DTD1: variants seen among roughly 807,000 people sequenced by gnomAD.
DTD1 encodes D-tyrosyl-tRNA deacylase 1 homolog.
DTD1 carries 13 observed loss-of-function variants against 25.6 expected under a neutral mutation model. The observed-to-expected ratio is 0.51, with a 90% CI of 0.33 to 0.81. The LOEUF (loss-of-function observed/expected upper bound fraction) is 0.81. Ranked by LOEUF, DTD1 falls within the 30% of genes least tolerant of loss-of-function variation. DTD1 has a pLI of 0.02. For synonymous variants in DTD1, 110 were observed against 103.6 expected (o/e 1.06, Z -0.37); for missense variants, 193 against 266.4 (o/e 0.72, Z 1.92).
chr20:18,663,853 T>A (rs1322796668), intron 4 of DTD1, among the ~76,000 whole-genome samples: 1 of 152,080 alleles, frequency 6.6e-6, no homozygotes, highest in African/African-American at 2.4e-5. Flanking sequence ...CCATCAGATA[T>A]CATGAGAACT....
At chr20:18,701,811 C>T (rs953089101) in intron 4 of DTD1, among the ~76,000 whole-genome samples, 7 of 152,216 alleles carry the variant, frequency 4.6e-5, no homozygotes, top group African/African-American at 1.7e-4. Context: ...TAAAGAATCA[C>T]CTAATAATTC....
chr20:18,621,589 T>C (rs1217124939), intron 3 of DTD1, among the ~76,000 whole-genome samples: 1 of 152,184 alleles, frequency 6.6e-6, no homozygotes, highest in Non-Finnish European at 1.5e-5. Flanking sequence ...ATTCCATATA[T>C]ATATTTGCAT....
At chr20:18,628,038 G>T in intron 3 of DTD1, 89 bp from the exon 4 acceptor site, 1 of 1,041,590 alleles carries the variant, frequency 9.6e-7, no homozygotes, top group African/African-American at 1.6e-5. Context: ...GTCTTTATTA[G>T]CAGTGTGAAA....
chr20:18,750,257 C>T (rs1033430520), intron 5 of DTD1, among the ~76,000 whole-genome samples: 1 of 152,050 alleles, frequency 6.6e-6, no homozygotes, highest in African/African-American at 2.4e-5. Flanking sequence ...ATTTGTCATC[C>T]CAGTAGGCCA....
At chr20:18,751,846 T>TA (rs1236312599) in intron 5 of DTD1, among the ~76,000 whole-genome samples, 5 of 146,658 alleles carry the variant, frequency 3.4e-5, no homozygotes, top group Non-Finnish European at 4.5e-5. Flanking sequence ...TTGTAGTTTT[T>TA]TTTTTTTGTT....
At chr20:18,624,393 G>A (rs1222046031) in intron 3 of DTD1, among the ~76,000 whole-genome samples, 1 of 152,194 alleles carries the variant, frequency 6.6e-6, no homozygotes, top group Admixed American at 6.5e-5. Context: ...GAAATTACAG[G>A]CCAAGATTAA....
chr20:18,636,821 C>T (rs1461590536), intron 4 of DTD1, among the ~76,000 whole-genome samples: 1 of 152,196 alleles, frequency 6.6e-6, no homozygotes, highest in Non-Finnish European at 1.5e-5. Flanking sequence ...GCAGAGATTA[C>T]ACATTCTTTC....
intron 4 of DTD1, chr20:18,632,368 G>T (rs1410403478): frequency 2.2e-5 from 22 of 985,282 alleles, no homozygotes; most frequent in African/African-American, 8.7e-5. Context: ...ATTGCACTGC[G>T]CTCTGCCCCT....
At chr20:18,703,848 C>A (rs188169140) in intron 4 of DTD1, among the ~76,000 whole-genome samples, 79 of 152,022 alleles carry the variant, frequency 5.2e-4, no homozygotes, top group Non-Finnish European at 9.1e-4. Flanking sequence ...GCTGAAGTAG[C>A]TTTTTTCCCA....
chr20:18,679,842 G>A (rs141618531), intron 4 of DTD1, among the ~76,000 whole-genome samples: 2 of 152,292 alleles, frequency 1.3e-5, no homozygotes, highest in African/African-American at 4.8e-5. Context: ...ATAGGAGCAG[G>A]AGCTGTTATC....
chr20:18,617,991 A>G (rs1306610454), intron 3 of DTD1, among the ~76,000 whole-genome samples: 2 of 151,852 alleles, frequency 1.3e-5, no homozygotes, highest in African/African-American at 4.8e-5. Context: ...GTATTGTTGG[A>G]CTCCTGGATT....
At chr20:18,631,300 T>G in intron 4 of DTD1, 1 of 984,476 alleles carries the variant, frequency 1.0e-6, no homozygotes. Flanking sequence ...AATTTCAAGG[T>G]GGTGACATAG....
intron 4 of DTD1, among the ~76,000 whole-genome samples, chr20:18,680,632 T>A (rs1363582040): frequency 6.6e-6 from 1 of 151,942 alleles, no homozygotes; most frequent in Non-Finnish European, 1.5e-5. Flanking sequence ...GCCTCTGGAG[T>A]GTGGCTCCTG....
At chr20:18,717,969 A>G (rs2061187964) in intron 4 of DTD1, among the ~76,000 whole-genome samples, 1 of 152,232 alleles carries the variant, frequency 6.6e-6, no homozygotes, top group African/African-American at 2.4e-5. Context: ...AAGACTTAGG[A>G]AAATGTAGCT....
intron 4 of DTD1, among the ~76,000 whole-genome samples, chr20:18,730,628 A>T (rs1364891242): frequency 6.6e-6 from 1 of 152,118 alleles, no homozygotes; most frequent in African/African-American, 2.4e-5. Flanking sequence ...GTGAATCTGG[A>T]TTTTGGATCC....
intron 3 of DTD1, among the ~76,000 whole-genome samples, chr20:18,599,464 C>A (rs920301944): frequency 6.6e-6 from 1 of 152,200 alleles, no homozygotes; most frequent in Non-Finnish European, 1.5e-5. Context: ...TGTGAGCCAC[C>A]ATGCCTGGCC....
In DTD1 at chr20:18,629,296, C is replaced by CTTTTTTTT. The variant is rs35174616; in HGVS notation, c.477+1078_477+1085dup. On this transcript the variant is annotated intron_variant, in intron 4 of 5. Transcript: ENST00000377452. The stretch of plus-strand genomic sequence containing the variant: ...CAGGTGTAATCCCACTGTGCTCGGC[C>CTTTTTTTT]TTTTTTTTTTTTTTTTTTTTTTGAG... 8.7e-5 allele frequency among the ~76,000 whole-genome samples: 6 copies of CTTTTTTTT among 69,242 alleles called. 1 individual carries two copies. Among genetic ancestry groups the CTTTTTTTT allele is most frequent in the Admixed American group, 2.3e-4 (1 of 4,388 alleles). The allele number at this position is 69,242 out of a possible 152,430, so 45.4% of individuals were successfully genotyped here.
rs79126748 is a variant in DTD1, at chr20:18,687,727, A to G, written c.478-56373A>G. Among the ~76,000 whole-genome samples the G allele has an allele frequency of 8.2e-3, 1,253 of 152,082 alleles. 18 individuals carry two copies. Among genetic ancestry groups the G allele is most frequent in the Non-Finnish European group, 0.01 (707 of 67,988 alleles). ...GCCCAACTAATTTTTTATTTTTTGG[A>G]GAGACGGGGTCTCACTATGTTGCCA... On this transcript the variant is annotated intron_variant, in intron 4 of 5. Coordinates refer to ENST00000377452, the MANE Select transcript of DTD1 (RefSeq NM_080820.6).
At chr20:18,612,761 C>T (rs554786440) in intron 3 of DTD1, among the ~76,000 whole-genome samples, 7 of 152,092 alleles carry the variant, frequency 4.6e-5, no homozygotes, top group East Asian at 3.9e-4. Context: ...CAGGTTCAAG[C>T]GATTCTCCTG....
Sources: allele counts gnomAD v4.1 joint callset (sites outside exome capture counted in the v4.1 genomes callset), GRCh38; gene constraint gnomAD v4.1.1; transcripts MANE v1.5; gene names NCBI Gene and HGNC (gene_info 2026-07-23, HGNC 2026-07-21).